The following DLGAP1 variants were observed in gnomAD, a reference collection of about 807,000 sequenced individuals.
DLGAP1 encodes the protein DLG associated protein 1, also known as disks large-associated protein 1.
A neutral mutation model predicts 90.8 loss-of-function variants in DLGAP1; 11 were observed. The ratio of observed to expected loss-of-function variants is 0.12; its 90% CI spans 0.08 to 0.20. The LOEUF (loss-of-function observed/expected upper bound fraction) is 0.20, where lower values mean the gene tolerates loss of function less well. DLGAP1 is among the 10% of genes least tolerant of loss of function. The pLI, the probability that DLGAP1 is intolerant of heterozygous loss-of-function variation, is 1.00. For synonymous variants in DLGAP1, 558 were observed against 540.7 expected, an observed-to-expected ratio of 1.03 and a Z score of -0.44; for missense variants, 1,050 against 1,333.8, an observed-to-expected ratio of 0.79 and a Z score of 3.31.
At chr18:4,142,480 T>C (rs2076511027) in intron 2 of DLGAP1, among the ~76,000 whole-genome samples, 1 of 152,202 alleles carries the variant, frequency 6.6e-6, no homozygotes, top group African/African-American at 2.4e-5. Context: ...TTGATAGTGA[T>C]AGGTCTCTGA....
chr18:4,166,319 A>G (rs750872159), intron 1 of DLGAP1, among the ~76,000 whole-genome samples: 12 of 152,198 alleles, frequency 7.9e-5, no homozygotes, highest in Non-Finnish European at 1.6e-4. Flanking sequence ...AACCACAATG[A>G]GTTACTACTT....
chr18:3,730,340 G>A (rs188311113), intron 6 of DLGAP1, among the ~76,000 whole-genome samples: 96 of 151,022 alleles, frequency 6.4e-4, no homozygotes, highest in African/African-American at 1.6e-3. Context: ...AATATTTGGC[G>A]TAATTGGAAA....
chr18:4,345,865 A>G (rs914367505), intron 1 of DLGAP1, among the ~76,000 whole-genome samples: 4 of 152,238 alleles, frequency 2.6e-5, no homozygotes, highest in African/African-American at 9.6e-5. Flanking sequence ...ACCTGCAAAC[A>G]GTAAATATAG....
chr18:4,026,152 A>C (rs1349633902), intron 2 of DLGAP1, among the ~76,000 whole-genome samples: 1 of 152,334 alleles, frequency 6.6e-6, no homozygotes, highest in South Asian at 2.1e-4. Context: ...GACCTCTGTC[A>C]TCTACACACA....
Position 4,454,107 on chromosome 18 carries a change from G to A in DLGAP1, c.-267+899C>T, listed in dbSNP as rs571105534. Among the ~76,000 whole-genome samples, 271 of 152,352 alleles carry A rather than the reference G, an allele frequency of 1.8e-3. No individual in the cohort carries two copies. The highest frequency in any genetic ancestry group is 3.0e-3 in the Non-Finnish European group (203 of 68,034). On this transcript the variant is annotated intron_variant, in intron 1 of 12. Coordinates refer to ENST00000315677, the MANE Select transcript of DLGAP1 (RefSeq NM_004746.4). This position sits in a 1 kb window ranked among gnomAD's most constrained non-coding sequence, Gnocchi z 4.7. Reference sequence around the variant, plus strand: ...TCCCACGGCCTCCCGGTGCCACCCAGCGAGGCCGGGACAGCGCGCCTTCCG... The same window carrying A: ...TCCCACGGCCTCCCGGTGCCACCCAACGAGGCCGGGACAGCGCGCCTTCCG...
chr18:3,823,336 A>C (rs1166385311), intron 4 of DLGAP1, among the ~76,000 whole-genome samples: 1 of 152,222 alleles, frequency 6.6e-6, no homozygotes, highest in Non-Finnish European at 1.5e-5. Flanking sequence ...ATATATTAAT[A>C]GGGATGCATG....
chr18:4,360,655 G>C (rs1464660878), intron 1 of DLGAP1, among the ~76,000 whole-genome samples: 1 of 152,168 alleles, frequency 6.6e-6, no homozygotes, highest in East Asian at 1.9e-4. Context: ...AAGGAACAGA[G>C]AATGTTGATG....
At chr18:3,596,968 C>A in intron 7 of DLGAP1, 1 of 520,082 alleles carries the variant, frequency 1.9e-6, no homozygotes. Flanking sequence ...ACCCGATGTC[C>A]CCCATTCTCC....
intron 4 of DLGAP1, among the ~76,000 whole-genome samples, chr18:3,849,008 A>G (rs576705892): frequency 2.6e-5 from 4 of 151,942 alleles, no homozygotes; most frequent in Non-Finnish European, 5.9e-5. Flanking sequence ...CTTATCTAGC[A>G]CTATCTTGGT....
intron 1 of DLGAP1, among the ~76,000 whole-genome samples, chr18:4,386,381 T>C (rs1158089287): frequency 6.6e-6 from 1 of 152,202 alleles, no homozygotes; most frequent in African/African-American, 2.4e-5. Context: ...CTAGTAAACA[T>C]GAACAACCCC....
chr18:4,127,034 A>G (rs2076243142), intron 2 of DLGAP1, among the ~76,000 whole-genome samples: 1 of 152,218 alleles, frequency 6.6e-6, no homozygotes, highest in Non-Finnish European at 1.5e-5. Flanking sequence ...CATATTTTGT[A>G]TCCCTGATCA....
chr18:4,391,260 T>C (rs2082334385), intron 1 of DLGAP1, among the ~76,000 whole-genome samples: 1 of 152,100 alleles, frequency 6.6e-6, no homozygotes, highest in Non-Finnish European at 1.5e-5. Flanking sequence ...CCGGGTCACT[T>C]TTCCCACCCT....
intron 9 of DLGAP1, among the ~76,000 whole-genome samples, chr18:3,550,033 C>T (rs916798047): frequency 5.3e-5 from 8 of 152,144 alleles, no homozygotes; most frequent in African/African-American, 1.9e-4. Flanking sequence ...CCTGCCTCAT[C>T]CTCCCAAGTA....
At chr18:3,886,902 G>A (rs1001410426) in intron 3 of DLGAP1, among the ~76,000 whole-genome samples, 4 of 152,198 alleles carry the variant, frequency 2.6e-5, no homozygotes, top group Admixed American at 2.6e-4. Context: ...TGGCTGGAAC[G>A]CAGCTGTGGG....
intron 2 of DLGAP1, among the ~76,000 whole-genome samples, chr18:4,107,298 TCA>T (rs1345458911): frequency 6.6e-6 from 1 of 152,208 alleles, no homozygotes; most frequent in Non-Finnish European, 1.5e-5. Context: ...TTAAATGGAA[TCA>T]CACAGTGAAT....
chr18:3,623,443 C>T (rs2058172954), intron 7 of DLGAP1, among the ~76,000 whole-genome samples: 2 of 152,184 alleles, frequency 1.3e-5, no homozygotes, highest in Admixed American at 6.5e-5. Context: ...TTCAGTCCGT[C>T]TTAGGTTCTG....
rs993936009 is a variant in DLGAP1 at position 3,565,481 on chromosome 18, G to T, written c.2057+2009C>A. ...ATATTTTCTTTAATGTCTACTAAAT[G>T]TATACTTTCAAAAATTTTTCTAAAA... On this transcript the variant is annotated intron_variant, in intron 9 of 12. Coordinates refer to ENST00000315677, the MANE Select transcript of DLGAP1 (RefSeq NM_004746.4). This position sits in a 1 kb window ranked among gnomAD's most constrained non-coding sequence, Gnocchi z 4.0. Among the ~76,000 whole-genome samples, 5 of 151,452 alleles carry T rather than the reference G, an allele frequency of 3.3e-5. No homozygotes were observed. The highest frequency in any genetic ancestry group is 4.8e-5 in the African/African-American group (2 of 41,248).
intron 9 of DLGAP1, among the ~76,000 whole-genome samples, chr18:3,560,449 G>A (rs1464677177): frequency 6.8e-6 from 1 of 147,104 alleles, no homozygotes; most frequent in Non-Finnish European, 1.5e-5. Context: ...AATTAGCCAG[G>A]TGTGGTGGCG....
chr18:3,643,283 GA>G (rs1016858243), intron 7 of DLGAP1, among the ~76,000 whole-genome samples: 1 of 151,908 alleles, frequency 6.6e-6, no homozygotes, highest in Non-Finnish European at 1.5e-5. Context: ...AAGAGAGAAA[GA>G]AAAAGTAAAT....
Sources: gnomAD v4.1 joint callset for allele counts (sites outside exome capture counted in the v4.1 genomes callset) on GRCh38, gnomAD v4.1.1 for gene constraint, Gnocchi (gnomAD v3.1) non-coding constraint, MANE v1.5 for transcripts, NCBI Gene and HGNC (gene_info 2026-07-23, HGNC 2026-07-21) for gene names.